Variants in SLC36A1 observed in about 807,000 individuals in gnomAD.
The protein encoded by SLC36A1 is proton-coupled amino acid transporter 1.
Under a neutral mutation model 47.5 loss-of-function variants are expected in SLC36A1, and 30 were observed. That is an observed-to-expected ratio of 0.63 (90% confidence interval 0.47 to 0.86). SLC36A1 has a LOEUF of 0.86. Ranked by LOEUF, SLC36A1 falls within the 40% of genes least tolerant of loss-of-function variation. The pLI is 0.00. For synonymous variants in SLC36A1, 255 were observed against 249.7 expected, an observed-to-expected ratio of 1.02 and a Z score of -0.20; for missense variants, 517 against 606.0, an observed-to-expected ratio of 0.85 and a Z score of 1.54.
At chr5:151,394,404 G>A in the SLC36A1 span, among the ~76,000 whole-genome samples, 11 of 152,210 alleles carry the variant, frequency 7.2e-5, no homozygotes, top group Non-Finnish European at 5.9e-5. Context: ...CCCTCAACTC[G>A]TCAAAGTCAT....
At chr5:151,371,904 A>C in the SLC36A1 span, among the ~76,000 whole-genome samples, 2 of 152,034 alleles carry the variant, frequency 1.3e-5, no homozygotes, top group African/African-American at 4.8e-5. Context: ...AGACAGGGAA[A>C]GGGGAGGGAG....
chr5:151,542,361 G>T, the SLC36A1 span: 53 of 1,613,910 alleles, frequency 3.3e-5, no homozygotes, highest in Admixed American at 6.7e-5. Context: ...CCACCAGTTC[G>T]CCAGGCTCAC....
the SLC36A1 span, among the ~76,000 whole-genome samples, chr5:151,530,832 A>G: frequency 6.6e-6 from 1 of 152,214 alleles, no homozygotes; most frequent in Non-Finnish European, 1.5e-5. Flanking sequence ...GTCTCTGCAG[A>G]TGATTACTGA....
chr5:151,467,554 G>A (rs933802446), intron 6 of SLC36A1, among the ~76,000 whole-genome samples, 153 bp from the exon 7 acceptor site: 6 of 152,082 alleles, frequency 3.9e-5, no homozygotes, highest in Non-Finnish European at 8.8e-5. Flanking sequence ...GATGATAGTC[G>A]TGAAGTTCTC....
At chr5:151,542,095 C>G in the SLC36A1 span, among the ~76,000 whole-genome samples, 1 of 152,176 alleles carries the variant, frequency 6.6e-6, no homozygotes, top group Non-Finnish European at 1.5e-5. Flanking sequence ...ACCAGCATGC[C>G]TGTGAGGTGA....
chr5:151,474,802 T>G (rs1216643717), intron 8 of SLC36A1, among the ~76,000 whole-genome samples: 1 of 152,274 alleles, frequency 6.6e-6, no homozygotes, highest in Non-Finnish European at 1.5e-5. Flanking sequence ...TACAAAACTC[T>G]TCTCTGAAGA....
chr5:151,382,327 T>C, the SLC36A1 span: 2 of 954,222 alleles, frequency 2.1e-6, no homozygotes. Context: ...AGCCTCAAGT[T>C]CAGCCTCCCT....
At position 151,479,306 on chromosome 5, in the gene SLC36A1, G is replaced by C. The variant is rs1318182808; in HGVS notation, c.990-14G>C. 4 of 1,612,942 alleles carry C rather than the reference G, an allele frequency of 2.5e-6. No homozygotes were observed. Among genetic ancestry groups the C allele is most frequent in the Admixed American group, 3.3e-5 (2 of 59,998 alleles). On this transcript the variant is annotated splice_polypyrimidine_tract_variant and intron_variant, in intron 9 of 10. Coordinates refer to ENST00000243389, the MANE Select transcript of SLC36A1 (RefSeq NM_078483.4). ...GCTGAGCAGGCTTGGAATGTCTCCTGTCTGTTTCGGCAGGTTGTACCAGTC... is the reference window on the plus strand; with the variant it reads ...GCTGAGCAGGCTTGGAATGTCTCCTCTCTGTTTCGGCAGGTTGTACCAGTC...
the SLC36A1 span, chr5:151,544,871 C>A: frequency 6.2e-7 from 1 of 1,614,226 alleles, no homozygotes; most frequent in African/African-American, 1.3e-5. Flanking sequence ...AGGACATCCC[C>A]TGGCTCTGTG....
chr5:151,374,985 A>G, the SLC36A1 span, among the ~76,000 whole-genome samples: 12 of 152,078 alleles, frequency 7.9e-5, no homozygotes, highest in South Asian at 2.1e-4. Context: ...ATAGTTTGCA[A>G]ATATTTTCTC....
chr5:151,384,673 C>G, the SLC36A1 span, among the ~76,000 whole-genome samples: 1 of 152,196 alleles, frequency 6.6e-6, no homozygotes, highest in Non-Finnish European at 1.5e-5. Flanking sequence ...AAGTGGTTGT[C>G]CTGCCTCTGC....
At chr5:151,432,904 T>C (rs1465910505), upstream of SLC36A1, among the ~76,000 whole-genome samples, 1 of 151,948 alleles carries the variant, frequency 6.6e-6, no homozygotes, top group Admixed American at 6.6e-5. Flanking sequence ...CACTTCTACA[T>C]ATAGAATACA....
chr5:151,405,475 A>C, the SLC36A1 span, among the ~76,000 whole-genome samples: 4 of 151,336 alleles, frequency 2.6e-5, no homozygotes, highest in Admixed American at 2.6e-4. Flanking sequence ...TGGCCTCCCA[A>C]AGTTCTGGGA....
chr5:151,385,618 G>T, the SLC36A1 span, among the ~76,000 whole-genome samples: 9 of 152,142 alleles, frequency 5.9e-5, no homozygotes, highest in Non-Finnish European at 1.0e-4. Flanking sequence ...TGAGAGGGCA[G>T]CTCTTTGTTG....
At chr5:151,551,859 G>A in the SLC36A1 span, among the ~76,000 whole-genome samples, 1 of 152,000 alleles carries the variant, frequency 6.6e-6, no homozygotes. Context: ...GAATCCAAAT[G>A]TAACAACATA....
chr5:151,475,253 C>T (rs1757887046), intron 8 of SLC36A1, among the ~76,000 whole-genome samples: 1 of 152,194 alleles, frequency 6.6e-6, no homozygotes, highest in Non-Finnish European at 1.5e-5. Flanking sequence ...TGCCCAGAGA[C>T]CTTAGGTTCT....
At chr5:151,500,190 CGT>C in the SLC36A1 span, among the ~76,000 whole-genome samples, 1 of 152,140 alleles carries the variant, frequency 6.6e-6, no homozygotes, top group South Asian at 2.1e-4. Flanking sequence ...CGAACCCAAA[CGT>C]AAGGCGCACC....
the SLC36A1 span, among the ~76,000 whole-genome samples, chr5:151,352,087 C>T: frequency 1.3e-5 from 2 of 152,350 alleles, no homozygotes; most frequent in East Asian, 3.9e-4. Flanking sequence ...TTGCTGCTCT[C>T]TGTGCCTGCA....
chr5:151,544,562 G>C, the SLC36A1 span: 1 of 1,614,060 alleles, frequency 6.2e-7, no homozygotes, highest in South Asian at 1.1e-5. Flanking sequence ...TGGAGAATTG[G>C]GGTATAGAGG....
Sources: gnomAD v4.1 joint callset for allele counts (sites outside exome capture counted in the v4.1 genomes callset) on GRCh38, gnomAD v4.1.1 for gene constraint, MANE v1.5 for transcripts, NCBI Gene and HGNC (gene_info 2026-07-23, HGNC 2026-07-21) for gene names.